The following SRFBP1 variants were observed in gnomAD, a reference collection of about 807,000 sequenced individuals.
SRFBP1 encodes the protein serum response factor binding protein 1.
Under a neutral mutation model 45.5 loss-of-function variants are expected in SRFBP1, and 47 were observed. The ratio of observed to expected loss-of-function variants is 1.03; its 90% CI spans 0.82 to 1.32. The LOEUF (loss-of-function observed/expected upper bound fraction) is 1.32, where lower values mean the gene tolerates loss of function less well. Among genes scored for constraint, SRFBP1 ranks in the 40% most tolerant of loss-of-function variants. The pLI is 0.00. For missense variants in SRFBP1, 621 were observed against 484.6 expected (o/e 1.28, Z -2.64); for synonymous variants, 203 against 166.3 (o/e 1.22, Z -1.70).
chr5:122,046,199 C>G (rs541498371), intron 2 of SRFBP1, among the ~76,000 whole-genome samples: 4 of 152,190 alleles, frequency 2.6e-5, no homozygotes, highest in South Asian at 2.1e-4. Flanking sequence ...CCTCCACCCC[C>G]CCTCACCCCA....
chr5:122,001,752 G>A (rs559179110), intron 4 of SRFBP1, among the ~76,000 whole-genome samples: 2 of 151,544 alleles, frequency 1.3e-5, no homozygotes, highest in Non-Finnish European at 2.9e-5. Context: ...TAGTATAGAC[G>A]GGGTTTCACC....
At chr5:121,984,562 GGTT>G (rs1172885790) in intron 3 of SRFBP1, among the ~76,000 whole-genome samples, 1 of 151,774 alleles carries the variant, frequency 6.6e-6, no homozygotes, top group East Asian at 1.9e-4. Flanking sequence ...ATTTTTAAGA[GGTT>G]ATAGCAGTAT....
At chr5:122,043,913 C>A (rs1245351133) in intron 2 of SRFBP1, among the ~76,000 whole-genome samples, 1 of 151,954 alleles carries the variant, frequency 6.6e-6, no homozygotes, top group African/African-American at 2.4e-5. Flanking sequence ...TAGTTAATCT[C>A]CTTGTCACAG....
chr5:121,994,037 A>G (rs928649876), intron 3 of SRFBP1, among the ~76,000 whole-genome samples: 3 of 152,028 alleles, frequency 2.0e-5, no homozygotes, highest in African/African-American at 4.8e-5. Flanking sequence ...AAGAAGATAC[A>G]ATTGTTGTTA....
At chr5:122,029,649 A>G (rs1359928107), downstream of SRFBP1, among the ~76,000 whole-genome samples, 4 of 152,062 alleles carry the variant, frequency 2.6e-5, no homozygotes, top group Non-Finnish European at 5.9e-5. Context: ...TGTCTGCACT[A>G]TGGTTTGGAA....
In SRFBP1 at chr5:122,048,741, C is replaced by A. The variant is rs556896591; in HGVS notation, n.311+26334C>A. 1.0e-3 allele frequency among the ~76,000 whole-genome samples: 157 copies of A among 152,262 alleles called. 1 individual carries two copies. Among genetic ancestry groups the A allele is most frequent in the Middle Eastern group, 0.01 (3 of 294 alleles). ...TTTCAGAGCCTGTTATTGGTCTTTT[C>A]AGAGATTCAACTTCTTCCTTGTTTA... On this transcript the variant is annotated intron_variant and non_coding_transcript_variant, in intron 2 of 2. Transcript: ENST00000504881.
chr5:121,965,982 CTGTT>C (rs1437775797), intron 1 of SRFBP1, among the ~76,000 whole-genome samples: 7 of 150,978 alleles, frequency 4.6e-5, no homozygotes, highest in African/African-American at 7.2e-5. Context: ...ATTTGGCTCT[CTGTT>C]TGTCTATTAT....
At chr5:121,978,552 C>T (rs1318789645) in intron 3 of SRFBP1, among the ~76,000 whole-genome samples, 1 of 151,978 alleles carries the variant, frequency 6.6e-6, no homozygotes, top group Non-Finnish European at 1.5e-5. Context: ...AGTGCAGTGA[C>T]CCGATCTCTG....
chr5:121,963,281 G>A (rs751250063), intron 1 of SRFBP1, among the ~76,000 whole-genome samples: 1 of 152,194 alleles, frequency 6.6e-6, no homozygotes, highest in Non-Finnish European at 1.5e-5. Flanking sequence ...GATTTCAGTT[G>A]ACAGTGGAGT....
intron 1 of SRFBP1, among the ~76,000 whole-genome samples, chr5:121,966,193 G>T (rs2112810229): frequency 6.6e-6 from 1 of 152,252 alleles, no homozygotes; most frequent in Non-Finnish European, 1.5e-5. Flanking sequence ...TCTCTTGCCT[G>T]ATTACCCCGG....
chr5:121,967,279 C>G (rs886962255), intron 1 of SRFBP1, among the ~76,000 whole-genome samples: 1 of 152,090 alleles, frequency 6.6e-6, no homozygotes, highest in East Asian at 1.9e-4. Flanking sequence ...ACGCTTGTGT[C>G]GTGATTAGGT....
chr5:121,963,947 A>G (rs554542626), intron 1 of SRFBP1, among the ~76,000 whole-genome samples: 1 of 152,342 alleles, frequency 6.6e-6, no homozygotes, highest in African/African-American at 2.4e-5. Context: ...CAACTAGAAA[A>G]AAAAAATACA....
rs201494622 is a variant in SRFBP1, at chr5:122,074,130, C to T, written n.312-1185C>T. 2.3e-4 allele frequency: 375 copies of T among 1,614,110 alleles called. 2 individuals carry two copies. In the South Asian group the frequency reaches 4.0e-3, roughly 17 times the overall value. ...CTCTCCTCTGGGTGTTGGCATCAAGCAGGTCATAGTGGCTAAACTCATCCA... is the reference window on the plus strand; with the variant it reads ...CTCTCCTCTGGGTGTTGGCATCAAGTAGGTCATAGTGGCTAAACTCATCCA... On this transcript the variant is annotated intron_variant and non_coding_transcript_variant, in intron 2 of 2. Transcript: ENST00000504881.
At chr5:122,021,712 T>G (rs946242307) in intron 6 of SRFBP1, among the ~76,000 whole-genome samples, 2 of 137,972 alleles carry the variant, frequency 1.4e-5, no homozygotes, top group Non-Finnish European at 3.1e-5. Context: ...AGTCTCACTC[T>G]ATCACCCAGG....
At chr5:122,060,739 A>G (rs911846975) in intron 2 of SRFBP1, among the ~76,000 whole-genome samples, 1 of 152,096 alleles carries the variant, frequency 6.6e-6, no homozygotes, top group Non-Finnish European at 1.5e-5. Context: ...AATAAAGTTG[A>G]TTCACAAAGA....
rs559296029 is a variant in SRFBP1, at chr5:122,060,603, C to T, written n.312-14712C>T. 3.3e-5 allele frequency among the ~76,000 whole-genome samples: 5 copies of T among 152,208 alleles called. No homozygotes were observed. In the East Asian group the frequency reaches 5.8e-4, roughly 18 times the overall value. The stretch of plus-strand genomic sequence containing the variant: ...AACTGAGCTTATGAAATACCTTCCC[C>T]TGAGCTTTTCAAATTGGAGCACAGG... On this transcript the variant is annotated intron_variant and non_coding_transcript_variant, in intron 2 of 2. Transcript: ENST00000504881.
At chr5:121,966,946 A>ATTTTTTT (rs34687337) in intron 1 of SRFBP1, among the ~76,000 whole-genome samples, 7 of 114,664 alleles carry the variant, frequency 6.1e-5, no homozygotes, top group Non-Finnish European at 8.6e-5. Flanking sequence ...CGCCCAGCTA[A>ATTTTTTT]TTTTTTTTTT....
chr5:122,006,578 A>T (rs1752979510), intron 4 of SRFBP1, among the ~76,000 whole-genome samples: 2 of 151,932 alleles, frequency 1.3e-5, no homozygotes, highest in South Asian at 2.1e-4. Flanking sequence ...AATTTAATTC[A>T]TTCCTTTTCA....
At chr5:122,074,314 G>A (rs1754550812) in intron 2 of SRFBP1, 3 of 661,148 alleles carry the variant, frequency 4.5e-6, no homozygotes, top group East Asian at 5.5e-5. Context: ...AGAGATTCAT[G>A]CTAGGGTTTT....
Sources: allele counts gnomAD v4.1 joint callset (sites outside exome capture counted in the v4.1 genomes callset), GRCh38; gene constraint gnomAD v4.1.1; transcripts MANE v1.5; gene names NCBI Gene and HGNC (gene_info 2026-07-23, HGNC 2026-07-21).